RBFOX1: variants seen among roughly 807,000 people sequenced by gnomAD.
The protein encoded by RBFOX1 is RNA binding protein fox-1 homolog 1.
In RBFOX1, 8 loss-of-function variants were observed where a neutral mutation model predicts 57.7. That is an observed-to-expected ratio of 0.14 (90% CI 0.08 to 0.25). RBFOX1 has a LOEUF of 0.25. RBFOX1 is among the 10% of genes least tolerant of loss of function. The pLI is 1.00. For missense variants in RBFOX1, 611 were observed against 548.5 expected (o/e 1.11, Z -1.14); for synonymous variants, 326 against 222.4 (o/e 1.47, Z -4.15).
intron 10 of RBFOX1, among the ~76,000 whole-genome samples, chr16:7,620,971 C>T (rs186088962): frequency 6.6e-6 from 1 of 151,956 alleles, no homozygotes; most frequent in Non-Finnish European, 1.5e-5. Flanking sequence ...CTATGTAATC[C>T]CTAGCAATTT....
At chr16:5,923,015 C>T (rs527558560) in intron 4 of RBFOX1, among the ~76,000 whole-genome samples, 1 of 152,114 alleles carries the variant, frequency 6.6e-6, no homozygotes, top group South Asian at 2.1e-4. Context: ...TGTCTCAACC[C>T]CCATGCCTCT....
chr16:5,829,105 C>A (rs1012552616), intron 3 of RBFOX1, among the ~76,000 whole-genome samples: 2 of 152,134 alleles, frequency 1.3e-5, no homozygotes, highest in African/African-American at 4.8e-5. Context: ...AGCTCCAGCT[C>A]ACACTCAGGA....
At chr16:7,112,957 A>C (rs1016731190) in intron 4 of RBFOX1, among the ~76,000 whole-genome samples, 1 of 152,124 alleles carries the variant, frequency 6.6e-6, no homozygotes, top group African/African-American at 2.4e-5. Flanking sequence ...AAGTGCTGGC[A>C]CCCTCTGTAA....
At chr16:5,571,100 C>T (rs1312459662) in intron 2 of RBFOX1, among the ~76,000 whole-genome samples, 6 of 151,984 alleles carry the variant, frequency 3.9e-5, no homozygotes, top group African/African-American at 1.4e-4. Flanking sequence ...ATCCCCTGAT[C>T]ACTCCCCCAG....
chr16:6,173,604 C>CCT (rs774297329), intron 1 of RBFOX1, among the ~76,000 whole-genome samples: 65 of 70,954 alleles, frequency 9.2e-4, no homozygotes, highest in East Asian at 2.0e-3. Flanking sequence ...TGACCACTCC[C>CCT]TTTTTTTTTT....
chr16:6,885,420 A>G (rs753621063), intron 3 of RBFOX1, among the ~76,000 whole-genome samples: 1 of 152,372 alleles, frequency 6.6e-6, no homozygotes, highest in South Asian at 2.1e-4. Flanking sequence ...ACCCATTTTA[A>G]TAACAGCTGA....
At chr16:6,387,690 TC>T (rs1286699250) in intron 2 of RBFOX1, among the ~76,000 whole-genome samples, 1 of 152,164 alleles carries the variant, frequency 6.6e-6, no homozygotes, top group Non-Finnish European at 1.5e-5. Flanking sequence ...GATTCTCTTT[TC>T]TTTTTTATTT....
At chr16:7,040,928 TGG>T (rs34355808) in intron 3 of RBFOX1, among the ~76,000 whole-genome samples, 330 of 150,192 alleles carry the variant, frequency 2.2e-3, no homozygotes, top group African/African-American at 7.6e-3. Flanking sequence ...GTTTTTTTGC[TGG>T]GGGGGGAAGG....
chr16:5,819,883 A>G (rs2055783178), intron 3 of RBFOX1, among the ~76,000 whole-genome samples: 1 of 152,108 alleles, frequency 6.6e-6, no homozygotes, highest in Admixed American at 6.5e-5. Flanking sequence ...GTGCCCTGTC[A>G]CTTTTTCATT....
intron 1 of RBFOX1, among the ~76,000 whole-genome samples, chr16:6,165,852 A>G (rs1289647483): frequency 6.6e-6 from 1 of 152,226 alleles, no homozygotes; most frequent in East Asian, 1.9e-4. Flanking sequence ...TTTAAGGTGA[A>G]GGGAAAAGGA....
intron 3 of RBFOX1, among the ~76,000 whole-genome samples, chr16:6,998,591 A>G (rs2092472336): frequency 6.6e-6 from 1 of 152,190 alleles, no homozygotes; most frequent in South Asian, 2.1e-4. Context: ...ATTTGGTTAT[A>G]TCATTGTGAT....
intron 4 of RBFOX1, among the ~76,000 whole-genome samples, chr16:7,131,303 A>T (rs2070301683): frequency 7.5e-6 from 1 of 133,978 alleles, no homozygotes; most frequent in Non-Finnish European, 1.6e-5. Flanking sequence ...CCAAGACCAC[A>T]CCATTGCACT....
intron 14 of RBFOX1, among the ~76,000 whole-genome samples, chr16:7,685,238 T>C (rs540167205): frequency 8.5e-5 from 13 of 152,260 alleles, no homozygotes; most frequent in Admixed American, 2.0e-4. Flanking sequence ...GCCACAAACC[T>C]TGCAAGAGAT....
chr16:5,676,252 TAAAAAA>T (rs5815262), intron 3 of RBFOX1, among the ~76,000 whole-genome samples: 1 of 145,298 alleles, frequency 6.9e-6, no homozygotes, highest in Non-Finnish European at 1.5e-5. Context: ...TAAAGTGAAA[TAAAAAA>T]AAAAAATAAA....
intron 5 of RBFOX1, among the ~76,000 whole-genome samples, chr16:7,567,676 G>GAAT (rs1267122775): frequency 6.7e-5 from 8 of 120,164 alleles, no homozygotes; most frequent in African/African-American, 2.6e-4. Flanking sequence ...CCTATATATG[G>GAAT]CCCTATATAG....
intron 3 of RBFOX1, among the ~76,000 whole-genome samples, chr16:5,620,997 C>T (rs1031256259): frequency 5.3e-5 from 8 of 152,118 alleles, no homozygotes; most frequent in South Asian, 2.1e-4. Context: ...CTCGCCACCA[C>T]GCCCAGCTAA....
chr16:7,594,429 G>C (rs2094588702), intron 7 of RBFOX1, among the ~76,000 whole-genome samples: 2 of 152,106 alleles, frequency 1.3e-5, no homozygotes, highest in African/African-American at 4.8e-5. Flanking sequence ...AAATTTATGT[G>C]GAAATTGTTC....
At position 6,762,852 on chromosome 16, in the gene RBFOX1, G is replaced by A. The variant is rs182010217; in HGVS notation, c.-16+108202G>A. Among the ~76,000 whole-genome samples the A allele has an allele frequency of 3.9e-3, 595 of 152,256 alleles. 4 individuals are homozygous for A. The highest frequency in any genetic ancestry group is 0.014 in the African/African-American group (578 of 41,560). On this transcript the variant is annotated intron_variant, in intron 3 of 15. Coordinates refer to ENST00000550418, the MANE Select transcript of RBFOX1 (RefSeq NM_018723.4). ...TACCAGAGTCATAGTGGCTCTCAAA[G>A]GAGGTACCTCTCCTTGCCTTGGGTG...
rs182101147 is a variant in RBFOX1, at chr16:6,535,795, G to A, written c.-63-118808G>A. 2.0e-5 allele frequency among the ~76,000 whole-genome samples: 3 copies of A among 152,252 alleles called. No individual in the cohort carries two copies. The East Asian group carries it at 5.8e-4, about 29-fold the overall frequency. ...GCATATGTGTATTTAATTAGTCACT[G>A]CCTATTTTTATATGTTACACAAGCT... is the stretch of plus-strand genomic sequence containing the variant. On this transcript the variant is annotated intron_variant, in intron 2 of 15. Transcript: ENST00000550418.
Sources: gnomAD v4.1 joint callset for allele counts (sites outside exome capture counted in the v4.1 genomes callset) on GRCh38, gnomAD v4.1.1 for gene constraint, MANE v1.5 for transcripts, NCBI Gene and HGNC (gene_info 2026-07-23, HGNC 2026-07-21) for gene names.